Variants in BBS9 observed in about 807,000 individuals in gnomAD.
BBS9 encodes protein PTHB1.
Under a neutral mutation model 117.7 loss-of-function variants are expected in BBS9, and 89 were observed. The observed-to-expected ratio is 0.76, with a 90% CI of 0.64 to 0.90. BBS9 has a LOEUF of 0.90. Ranked by LOEUF, BBS9 falls within the 40% of genes least tolerant of loss-of-function variation. The pLI is 0.00. For synonymous variants in BBS9, 379 were observed against 370.9 expected (o/e 1.02, Z -0.25); for missense variants, 982 against 1,042.2 (o/e 0.94, Z 0.80).
chr7:33,450,185 T>C (rs1245919958), intron 19 of BBS9, among the ~76,000 whole-genome samples: 5 of 152,176 alleles, frequency 3.3e-5, no homozygotes, highest in Non-Finnish European at 7.3e-5. Flanking sequence ...TATTCGTCTA[T>C]GCTGTATAAC....
intron 21 of BBS9, among the ~76,000 whole-genome samples, chr7:33,616,009 A>G (rs1327875341): frequency 2.6e-5 from 4 of 152,062 alleles, no homozygotes; most frequent in Admixed American, 6.6e-5. Context: ...AACTGAGGGA[A>G]TTTGTTGTCA....
chr7:33,393,520 T>A (rs2128770108), intron 19 of BBS9, among the ~76,000 whole-genome samples: 1 of 152,298 alleles, frequency 6.6e-6, no homozygotes, highest in African/African-American at 2.4e-5. Flanking sequence ...CCTGGCCCTG[T>A]TAGGATAATA....
At chr7:33,455,207 C>T (rs916143189) in intron 19 of BBS9, among the ~76,000 whole-genome samples, 3 of 150,878 alleles carry the variant, frequency 2.0e-5, no homozygotes, top group African/African-American at 7.4e-5. Context: ...CCTCAGACTT[C>T]AGTTCCTCAT....
At chr7:33,456,205 T>C (rs1238469740) in intron 19 of BBS9, among the ~76,000 whole-genome samples, 3 of 152,214 alleles carry the variant, frequency 2.0e-5, no homozygotes, top group Non-Finnish European at 4.4e-5. Context: ...ATAATGTACA[T>C]TTAAACAAAT....
intron 19 of BBS9, among the ~76,000 whole-genome samples, chr7:33,404,521 G>A (rs1317783077): frequency 6.6e-6 from 1 of 152,036 alleles, no homozygotes; most frequent in African/African-American, 2.4e-5. Flanking sequence ...TTATTTCATT[G>A]AGCAGTGGTT....
At chr7:33,139,832 T>C (rs1405329391) in intron 1 of BBS9, among the ~76,000 whole-genome samples, 1 of 152,194 alleles carries the variant, frequency 6.6e-6, no homozygotes, top group African/African-American at 2.4e-5. Flanking sequence ...CTAATTTCTG[T>C]CCTTAGCTAT....
At chr7:33,456,765 G>A (rs989067017) in intron 19 of BBS9, among the ~76,000 whole-genome samples, 2 of 152,120 alleles carry the variant, frequency 1.3e-5, no homozygotes, top group African/African-American at 2.4e-5. Flanking sequence ...CTCTTACAGA[G>A]TGTCAGATGG....
intron 16 of BBS9, among the ~76,000 whole-genome samples, chr7:33,364,997 A>T (rs535236715): frequency 6.6e-6 from 1 of 151,698 alleles, no homozygotes; most frequent in Non-Finnish European, 1.5e-5. Flanking sequence ...CCAGAGTGCT[A>T]GACTTACTGC....
chr7:33,576,196 G>A (rs531496087), intron 21 of BBS9, among the ~76,000 whole-genome samples: 2 of 152,206 alleles, frequency 1.3e-5, no homozygotes, highest in East Asian at 3.9e-4. Context: ...CTGATAAGCA[G>A]CTTCAGCAAA....
intron 21 of BBS9, among the ~76,000 whole-genome samples, chr7:33,576,271 CAG>C (rs1263964248): frequency 2.6e-5 from 4 of 152,110 alleles, no homozygotes; most frequent in Non-Finnish European, 4.4e-5. Flanking sequence ...AACAGACAAA[CAG>C]AGAGCCAAAT....
intron 19 of BBS9, among the ~76,000 whole-genome samples, chr7:33,413,200 C>A (rs906562638): frequency 2.0e-5 from 3 of 152,160 alleles, no homozygotes; most frequent in Admixed American, 1.3e-4. Flanking sequence ...CTCTCAGTAT[C>A]TAAAAATCCT....
chr7:33,313,313 T>C (rs968953902), intron 9 of BBS9, among the ~76,000 whole-genome samples: 2 of 152,336 alleles, frequency 1.3e-5, no homozygotes, highest in South Asian at 4.1e-4. Flanking sequence ...GCCTCTAGCG[T>C]GGTGCCTGAA....
chr7:33,400,845 G>T (rs993907480), intron 19 of BBS9, among the ~76,000 whole-genome samples: 3 of 152,116 alleles, frequency 2.0e-5, no homozygotes, highest in Admixed American at 1.3e-4. Context: ...CAGCTGTATA[G>T]CCTGGAACAA....
intron 19 of BBS9, among the ~76,000 whole-genome samples, chr7:33,400,425 C>T (rs1828716459): frequency 6.6e-6 from 1 of 152,106 alleles, no homozygotes; most frequent in African/African-American, 2.4e-5. Flanking sequence ...TATCTATCTT[C>T]CTGTTTAATC....
At chr7:33,375,202 T>G (rs188636630) in intron 17 of BBS9, among the ~76,000 whole-genome samples, 124 of 152,310 alleles carry the variant, frequency 8.1e-4, no homozygotes, top group Admixed American at 1.9e-3. Flanking sequence ...CATCTAAATT[T>G]ATTTTATCTG....
intron 12 of BBS9, among the ~76,000 whole-genome samples, chr7:33,348,220 A>T (rs768509720): frequency 6.6e-6 from 1 of 152,122 alleles, no homozygotes; most frequent in Non-Finnish European, 1.5e-5. Context: ...TATTCTATAC[A>T]TTTCATATAA....
chr7:33,630,739 C>T (rs1426512864), intron 21 of BBS9, among the ~76,000 whole-genome samples: 3 of 152,206 alleles, frequency 2.0e-5, no homozygotes, highest in African/African-American at 7.2e-5. Flanking sequence ...ACCTGCCATG[C>T]ATACCTTTCC....
intron 19 of BBS9, among the ~76,000 whole-genome samples, chr7:33,418,690 C>T (rs891318513): frequency 6.6e-6 from 1 of 152,140 alleles, no homozygotes; most frequent in Non-Finnish European, 1.5e-5. Context: ...CTTGTAGCCA[C>T]CTTGCTGGTT....
At chr7:33,535,716 A>G (rs1438764891) in intron 21 of BBS9, among the ~76,000 whole-genome samples, 1 of 152,168 alleles carries the variant, frequency 6.6e-6, no homozygotes, top group Non-Finnish European at 1.5e-5. Flanking sequence ...AATCAGTATC[A>G]GTTTATGACT....
Sources: allele counts gnomAD v4.1 joint callset (sites outside exome capture counted in the v4.1 genomes callset), GRCh38; gene constraint gnomAD v4.1.1; transcripts MANE v1.5; gene names NCBI Gene and HGNC (gene_info 2026-07-23, HGNC 2026-07-21).